Variants in ADAMTS17 observed in about 807,000 individuals in gnomAD.
ADAMTS17 encodes the protein A disintegrin and metalloproteinase with thrombospondin motifs 17.
Under a neutral mutation model 141.5 loss-of-function variants are expected in ADAMTS17, and 113 were observed. The ratio of observed to expected loss-of-function variants is 0.80; its 90% CI spans 0.69 to 0.93. ADAMTS17 has a LOEUF of 0.93. ADAMTS17 is among the 40% of genes least tolerant of loss of function. The probability of loss-of-function intolerance (pLI) is 0.00; values close to 1 mark genes in which losing one functional copy is unlikely to be tolerated. For synonymous variants in ADAMTS17, 768 were observed against 630.6 expected (o/e 1.22, Z -3.27); for missense variants, 1,659 against 1,517.9 (o/e 1.09, Z -1.54).
At chr15:100,025,705 C>A (rs371362666) in intron 18 of ADAMTS17, among the ~76,000 whole-genome samples, 1 of 152,238 alleles carries the variant, frequency 6.6e-6, no homozygotes, top group African/African-American at 2.4e-5. Flanking sequence ...TGAGCCACCA[C>A]GCCTTTTCTT....
chr15:100,256,233 T>A (rs78010067), intron 6 of ADAMTS17, among the ~76,000 whole-genome samples: 1 of 152,180 alleles, frequency 6.6e-6, no homozygotes, highest in African/African-American at 2.4e-5. Context: ...AGCGCCTACA[T>A]CCATTGAAAC....
intron 2 of ADAMTS17, among the ~76,000 whole-genome samples, chr15:100,332,650 G>C (rs1452601453): frequency 6.6e-6 from 1 of 152,222 alleles, no homozygotes; most frequent in African/African-American, 2.4e-5. Context: ...TTAAAGACAG[G>C]GAGATCTCAC....
chr15:100,334,726 T>G (rs2046157521), intron 2 of ADAMTS17, among the ~76,000 whole-genome samples: 1 of 152,124 alleles, frequency 6.6e-6, no homozygotes, highest in Non-Finnish European at 1.5e-5. Flanking sequence ...TCCCGCCGCC[T>G]CCTCGAATGT....
intron 18 of ADAMTS17, among the ~76,000 whole-genome samples, chr15:100,023,880 G>T (rs2061450692): frequency 6.6e-6 from 1 of 152,166 alleles, no homozygotes; most frequent in Non-Finnish European, 1.5e-5. Flanking sequence ...TTTCTGCTTA[G>T]TAGAACTTAT....
intron 8 of ADAMTS17, among the ~76,000 whole-genome samples, chr15:100,192,724 A>G (rs973975090): frequency 6.6e-6 from 1 of 152,260 alleles, no homozygotes; most frequent in African/African-American, 2.4e-5. Context: ...AATACAAATC[A>G]CAGACAAGCA....
In ADAMTS17 at chr15:100,251,090, GAAA is replaced by G. The variant is rs766926743; in HGVS notation, c.1075+3043_1075+3045del. 1.4e-4 allele frequency among the ~76,000 whole-genome samples: 21 copies of G among 151,930 alleles called. 1 individual carries two copies. The highest frequency in any genetic ancestry group is 1.3e-3 in the Admixed American group (20 of 15,258). On this transcript the variant is annotated intron_variant, in intron 7 of 21. Coordinates refer to ENST00000268070, the MANE Select transcript of ADAMTS17 (RefSeq NM_139057.4). ...ATATACGTTTAATTTTTTTAAAAAA[GAAA>G]AAAAGGCATCAGCTCCCTTGGAGAA... is the stretch of plus-strand genomic sequence containing the variant.
In ADAMTS17 at chr15:99,992,507, G is replaced by A. The variant is rs535107063; in HGVS notation, c.2949+541C>T. On this transcript the variant is annotated intron_variant, in intron 20 of 21. Transcript: ENST00000268070. Reference sequence around the variant, plus strand: ...AATAAAAGAGGAGTTAAACAACAAAGCATTTTCTTACCTGGAGAAACATTC... The same window carrying A: ...AATAAAAGAGGAGTTAAACAACAAAACATTTTCTTACCTGGAGAAACATTC... Among the ~76,000 whole-genome samples, 9 of 152,294 alleles carry A rather than the reference G, an allele frequency of 5.9e-5. No homozygotes were observed. The East Asian group carries it at 1.5e-3, about 26-fold the overall frequency.
intron 15 of ADAMTS17, among the ~76,000 whole-genome samples, chr15:100,081,467 CTCAT>C (rs1484957224): frequency 5.9e-5 from 9 of 152,194 alleles, no homozygotes; most frequent in Non-Finnish European, 2.9e-5. Context: ...TGTGCTAAAA[CTCAT>C]TCAATCGCAC....
chr15:100,266,763 CCTGTCACTG>C (rs1460083507), intron 4 of ADAMTS17, among the ~76,000 whole-genome samples: 1 of 152,190 alleles, frequency 6.6e-6, no homozygotes, highest in Admixed American at 6.5e-5. Flanking sequence ...GGCCCTGATA[CCTGTCACTG>C]CTGTCCCCTG....
At chr15:100,026,336 G>T (rs892686606) in intron 18 of ADAMTS17, among the ~76,000 whole-genome samples, 1 of 152,166 alleles carries the variant, frequency 6.6e-6, no homozygotes. Context: ...CTTATGACTA[G>T]CACTGTGCTG....
At chr15:100,172,226 G>A (rs866571423) in intron 8 of ADAMTS17, among the ~76,000 whole-genome samples, 1 of 152,280 alleles carries the variant, frequency 6.6e-6, no homozygotes, top group African/African-American at 2.4e-5. Flanking sequence ...ACTGGTGCCT[G>A]GCTCCCTCAA....
At chr15:100,128,318 C>T (rs1043379130) in intron 12 of ADAMTS17, 1 of 152,184 alleles carries the variant, frequency 6.6e-6, no homozygotes, top group Non-Finnish European at 1.5e-5. Context: ...CTGAAGGCTT[C>T]ATGTTGGAAA....
intron 7 of ADAMTS17, among the ~76,000 whole-genome samples, chr15:100,206,396 T>C (rs1022203951): frequency 1.3e-5 from 2 of 152,212 alleles, no homozygotes; most frequent in Non-Finnish European, 2.9e-5. Context: ...ATGAGGGTGA[T>C]GCCCACACTC....
intron 7 of ADAMTS17, among the ~76,000 whole-genome samples, chr15:100,211,040 C>T (rs2041785970): frequency 6.6e-6 from 1 of 151,708 alleles, no homozygotes; most frequent in African/African-American, 2.4e-5. Context: ...GTGGAGCTTG[C>T]AGTGAGCCGA....
At chr15:99,983,702 C>T (rs1213216027) in intron 20 of ADAMTS17, among the ~76,000 whole-genome samples, 1 of 152,156 alleles carries the variant, frequency 6.6e-6, no homozygotes, top group East Asian at 1.9e-4. Context: ...CTGGGGTGAG[C>T]ACAAGCCCAA....
At chr15:100,170,237 A>G (rs547804400) in intron 8 of ADAMTS17, among the ~76,000 whole-genome samples, 29 of 152,304 alleles carry the variant, frequency 1.9e-4, no homozygotes, top group Admixed American at 3.9e-4. Flanking sequence ...CATTAAAAAC[A>G]TATTGCCAGG....
intron 7 of ADAMTS17, among the ~76,000 whole-genome samples, chr15:100,233,987 G>A (rs8034084): frequency 0.017 from 2,587 of 152,170 alleles, 79 homozygotes; most frequent in African/African-American, 0.059. Context: ...TTCTGAGCAG[G>A]GAACCCACAG....
intron 13 of ADAMTS17, among the ~76,000 whole-genome samples, chr15:100,110,974 C>T (rs192774201): frequency 4.1e-4 from 63 of 152,332 alleles, no homozygotes; most frequent in Non-Finnish European, 8.4e-4. Context: ...CCAGGCTCCA[C>T]AGGAAATCTT....
At chr15:100,335,622 G>C (rs1393888611) in intron 2 of ADAMTS17, among the ~76,000 whole-genome samples, 1 of 152,250 alleles carries the variant, frequency 6.6e-6, no homozygotes, top group African/African-American at 2.4e-5. Flanking sequence ...AGCGATGACT[G>C]ATCAGCTGAT....
Sources: allele counts gnomAD v4.1 joint callset (sites outside exome capture counted in the v4.1 genomes callset), GRCh38; gene constraint gnomAD v4.1.1; transcripts MANE v1.5; gene names NCBI Gene and HGNC (gene_info 2026-07-23, HGNC 2026-07-21).